Variants in CFAP90 observed in about 807,000 individuals in gnomAD.
CFAP90 encodes cilia- and flagella-associated protein 90.
At chr5:7,850,995 G>A in the CFAP90 span, 4 of 1,286,908 alleles carry the variant, frequency 3.1e-6, no homozygotes, top group Non-Finnish European at 3.9e-6. Flanking sequence ...GCGTGGACGC[G>A]GTGGTCTCCT....
the CFAP90 span, among the ~76,000 whole-genome samples, chr5:7,832,951 T>G: frequency 6.6e-6 from 1 of 152,316 alleles, no homozygotes; most frequent in Admixed American, 6.5e-5. Flanking sequence ...GTAACTAAAC[T>G]TGGAAGAAAT....
At chr5:7,832,092 G>A in the CFAP90 span, 1 of 1,515,624 alleles carries the variant, frequency 6.6e-7, no homozygotes, top group Non-Finnish European at 9.0e-7. Context: ...GCTCACCCGT[G>A]CATCCATCAG....
chr5:7,836,991 G>A, the CFAP90 span, among the ~76,000 whole-genome samples: 1 of 152,128 alleles, frequency 6.6e-6, no homozygotes, highest in Admixed American at 6.5e-5. Flanking sequence ...CTAGCCAAGA[G>A]TCAGGCTATG....
At chr5:7,844,963 T>C in the CFAP90 span, among the ~76,000 whole-genome samples, 1 of 152,186 alleles carries the variant, frequency 6.6e-6, no homozygotes, top group Non-Finnish European at 1.5e-5. Flanking sequence ...TGCACTGCTA[T>C]AAAGAACTGC....
chr5:7,830,859 T>G, the CFAP90 span: 2 of 152,164 alleles, frequency 1.3e-5, no homozygotes, highest in Non-Finnish European at 2.9e-5. Context: ...CTTGGGTAAG[T>G]TTCAAATTAT....
chr5:7,845,247 C>A, the CFAP90 span, among the ~76,000 whole-genome samples: 1 of 152,184 alleles, frequency 6.6e-6, no homozygotes, highest in Non-Finnish European at 1.5e-5. Context: ...CCTGCATCAA[C>A]ATGTGGGGGT....
At chr5:7,839,095 G>C in the CFAP90 span, among the ~76,000 whole-genome samples, 1 of 152,244 alleles carries the variant, frequency 6.6e-6, no homozygotes. Context: ...CAGCCAGAGA[G>C]AGAGCTTGTG....
chr5:7,838,788 AC>A, the CFAP90 span, among the ~76,000 whole-genome samples: 1 of 150,830 alleles, frequency 6.6e-6, no homozygotes, highest in East Asian at 2.0e-4. Context: ...CTAGAACTGA[AC>A]CCCTGGGAGA....
chr5:7,833,741 C>T, the CFAP90 span, among the ~76,000 whole-genome samples: 1 of 152,088 alleles, frequency 6.6e-6, no homozygotes, highest in Non-Finnish European at 1.5e-5. Context: ...TCATATACGA[C>T]GGTAGTCCCG....
chr5:7,834,515 G>T, the CFAP90 span, among the ~76,000 whole-genome samples: 2 of 152,032 alleles, frequency 1.3e-5, no homozygotes, highest in Admixed American at 6.5e-5. Context: ...TAGCCAAAGT[G>T]TACAGTGCTT....
At chr5:7,836,776 T>C in the CFAP90 span, among the ~76,000 whole-genome samples, 1 of 152,188 alleles carries the variant, frequency 6.6e-6, no homozygotes, top group Non-Finnish European at 1.5e-5. Context: ...CCAGGGGTCA[T>C]TGTTTTCTTC....
the CFAP90 span, among the ~76,000 whole-genome samples, chr5:7,850,231 ACCCT>A: frequency 0.021 from 3,107 of 150,644 alleles, 90 homozygotes; most frequent in African/African-American, 0.071. Context: ...GCGGGAGCTC[ACCCT>A]CCCTGTCTCC....
the CFAP90 span, chr5:7,850,871 TCAC>T: frequency 7.6e-7 from 1 of 1,321,346 alleles, no homozygotes; most frequent in Non-Finnish European, 9.7e-7. Flanking sequence ...TCCGCGGTCC[TCAC>T]CCGCGCCGGG....
the CFAP90 span, chr5:7,850,863 C>T: frequency 7.7e-7 from 1 of 1,306,548 alleles, no homozygotes. Flanking sequence ...GCGCCCAGTC[C>T]GCGGTCCTCA....
At chr5:7,839,685 C>T in the CFAP90 span, among the ~76,000 whole-genome samples, 9 of 152,152 alleles carry the variant, frequency 5.9e-5, no homozygotes, top group African/African-American at 2.2e-4. Flanking sequence ...CCTCACAATC[C>T]CTGGATTAGT....
chr5:7,834,168 G>A, the CFAP90 span, among the ~76,000 whole-genome samples: 5 of 152,084 alleles, frequency 3.3e-5, no homozygotes, highest in East Asian at 1.9e-4. Context: ...TGCGTGTTGC[G>A]TGACGTCGCC....
the CFAP90 span, chr5:7,831,969 G>C: frequency 6.2e-7 from 1 of 1,614,104 alleles, no homozygotes; most frequent in Non-Finnish European, 8.5e-7. Flanking sequence ...GGCTCAATGG[G>C]CTGATTGATG....
chr5:7,840,318 C>A, the CFAP90 span, among the ~76,000 whole-genome samples: 1 of 152,162 alleles, frequency 6.6e-6, no homozygotes. Flanking sequence ...GCGGCCTGGG[C>A]AGATGCTGTG....
At chr5:7,841,425 C>T in the CFAP90 span, among the ~76,000 whole-genome samples, 4 of 152,166 alleles carry the variant, frequency 2.6e-5, no homozygotes, top group Non-Finnish European at 4.4e-5. Context: ...GGCGACTCCT[C>T]AAAGACCTAG....
Sources: allele counts gnomAD v4.1 joint callset (sites outside exome capture counted in the v4.1 genomes callset), GRCh38; gene constraint gnomAD v4.1.1; transcripts MANE v1.5; gene names NCBI Gene and HGNC (gene_info 2026-07-23, HGNC 2026-07-21).